Variants in C12orf42 observed in about 807,000 individuals in gnomAD.
C12orf42 encodes uncharacterized protein C12orf42.
In C12orf42, 25 loss-of-function variants were observed where a neutral mutation model predicts 21.6. That is an observed-to-expected ratio of 1.16 (90% CI 0.84 to 1.62). C12orf42 has a LOEUF of 1.62. Among genes scored for constraint, C12orf42 ranks in the 40% most tolerant of loss-of-function variants. C12orf42 has a pLI of 0.00. For synonymous variants in C12orf42, 174 were observed against 175.0 expected, an observed-to-expected ratio of 0.99 and a Z score of 0.05; for missense variants, 483 against 459.3, an observed-to-expected ratio of 1.05 and a Z score of -0.47.
At chr12:103,545,833 G>A in the C12orf42 span, among the ~76,000 whole-genome samples, 1 of 152,100 alleles carries the variant, frequency 6.6e-6, no homozygotes, top group East Asian at 1.9e-4. Flanking sequence ...TACCCACCTT[G>A]GACTGCTCAC....
the C12orf42 span, among the ~76,000 whole-genome samples, chr12:103,083,287 C>G: frequency 1.6e-4 from 24 of 152,076 alleles, no homozygotes; most frequent in Non-Finnish European, 3.5e-4. Context: ...TAGCTTGAAC[C>G]CGGGAGGCAG....
the C12orf42 span, among the ~76,000 whole-genome samples, chr12:103,074,038 CT>C: frequency 1.3e-5 from 2 of 152,172 alleles, no homozygotes; most frequent in Non-Finnish European, 2.9e-5. Context: ...CAATCAGAAG[CT>C]TCCCAAAGCC....
chr12:103,360,402 T>C (rs2043989914), intron 4 of C12orf42, among the ~76,000 whole-genome samples: 1 of 151,864 alleles, frequency 6.6e-6, no homozygotes, highest in Non-Finnish European at 1.5e-5. Flanking sequence ...GGGTTCCTAT[T>C]GTCTTCCTAG....
chr12:103,378,346 C>G (rs1471465910), intron 3 of C12orf42, among the ~76,000 whole-genome samples: 1 of 152,096 alleles, frequency 6.6e-6, no homozygotes, highest in Non-Finnish European at 1.5e-5. Flanking sequence ...ATCTCGCGGT[C>G]CTGGAGTATC....
At chr12:103,267,356 G>A (rs1285674999), downstream of C12orf42, among the ~76,000 whole-genome samples, 1 of 151,976 alleles carries the variant, frequency 6.6e-6, no homozygotes, top group Non-Finnish European at 1.5e-5. Context: ...TGTAGGCCAG[G>A]CACTATTCTA....
At chr12:103,473,032 A>C (rs1953750440) in intron 2 of C12orf42, among the ~76,000 whole-genome samples, 1 of 152,198 alleles carries the variant, frequency 6.6e-6, no homozygotes, top group East Asian at 1.9e-4. Flanking sequence ...TTCTCATGCT[A>C]TAAATCTCAG....
the C12orf42 span, among the ~76,000 whole-genome samples, chr12:103,070,641 A>G: frequency 6.6e-6 from 1 of 152,088 alleles, no homozygotes; most frequent in African/African-American, 2.4e-5. Flanking sequence ...TACGACCACA[A>G]ATTGTTCTAT....
the C12orf42 span, among the ~76,000 whole-genome samples, chr12:103,121,726 C>T: frequency 7.9e-5 from 12 of 152,318 alleles, no homozygotes; most frequent in Non-Finnish European, 1.3e-4. Flanking sequence ...TCAACAATTG[C>T]TACTCCCAAG....
chr12:103,409,018 G>C (rs2048628833), intron 2 of C12orf42, among the ~76,000 whole-genome samples: 1 of 152,104 alleles, frequency 6.6e-6, no homozygotes, highest in Non-Finnish European at 1.5e-5. Flanking sequence ...AGAGAGTTAG[G>C]GTTTTAGTTA....
the C12orf42 span, among the ~76,000 whole-genome samples, chr12:103,165,730 A>T: frequency 6.6e-6 from 1 of 152,154 alleles, no homozygotes; most frequent in Non-Finnish European, 1.5e-5. Flanking sequence ...TAATCTGAAG[A>T]CATCACAGTG....
chr12:103,434,489 C>T (rs1178825115), intron 2 of C12orf42, among the ~76,000 whole-genome samples: 1 of 152,156 alleles, frequency 6.6e-6, no homozygotes, highest in Non-Finnish European at 1.5e-5. Flanking sequence ...ATTTGAGGTA[C>T]CGGGTTCATC....
At chr12:103,249,450 G>A (rs548969061) in intron 10 of C12orf42, among the ~76,000 whole-genome samples, 162 of 152,082 alleles carry the variant, frequency 1.1e-3, no homozygotes, top group African/African-American at 3.7e-3. Flanking sequence ...CCAGAATCTC[G>A]ACATAAGTGA....
At chr12:103,419,666 T>C (rs2139088852) in intron 2 of C12orf42, among the ~76,000 whole-genome samples, 1 of 152,270 alleles carries the variant, frequency 6.6e-6, no homozygotes, top group Non-Finnish European at 1.5e-5. Flanking sequence ...GTCCTTCAGA[T>C]CTATTTGTGT....
chr12:103,146,560 A>AAAAAG, the C12orf42 span, among the ~76,000 whole-genome samples: 41 of 120,054 alleles, frequency 3.4e-4, no homozygotes, highest in African/African-American at 1.2e-3. Flanking sequence ...ATAAAGAAAG[A>AAAAAG]AAAGAAAGAA....
At chr12:103,152,099 A>G in the C12orf42 span, among the ~76,000 whole-genome samples, 1 of 152,348 alleles carries the variant, frequency 6.6e-6, no homozygotes, top group South Asian at 2.1e-4. Flanking sequence ...CAGGAAAACA[A>G]CAACAACAGA....
chr12:103,470,447 A>T (rs1953504815), intron 2 of C12orf42, among the ~76,000 whole-genome samples: 1 of 152,220 alleles, frequency 6.6e-6, no homozygotes, highest in Non-Finnish European at 1.5e-5. Flanking sequence ...TGATTCATTC[A>T]TGGTGAGAAC....
chr12:103,482,629 T>G (rs926935823), intron 1 of C12orf42, among the ~76,000 whole-genome samples: 2 of 152,138 alleles, frequency 1.3e-5, no homozygotes, highest in African/African-American at 4.8e-5. Flanking sequence ...ACTTCCTGTA[T>G]GTTAGGATAT....
chr12:103,190,716 A>G, the C12orf42 span, among the ~76,000 whole-genome samples: 1 of 152,206 alleles, frequency 6.6e-6, no homozygotes, highest in African/African-American at 2.4e-5. Context: ...GAGGAACAAA[A>G]AGAGAAAAAT....
the C12orf42 span, among the ~76,000 whole-genome samples, chr12:103,068,133 C>G: frequency 6.6e-6 from 1 of 152,170 alleles, no homozygotes; most frequent in Non-Finnish European, 1.5e-5. Context: ...TCATCAATAC[C>G]AGCTATGACC....
Sources: gnomAD v4.1 joint callset for allele counts (sites outside exome capture counted in the v4.1 genomes callset) on GRCh38, gnomAD v4.1.1 for gene constraint, MANE v1.5 for transcripts, NCBI Gene and HGNC (gene_info 2026-07-23, HGNC 2026-07-21) for gene names.